The following SPATA16 variants were observed in gnomAD, a reference collection of about 807,000 sequenced individuals.
SPATA16 encodes the protein spermatogenesis associated 16.
SPATA16 carries 36 observed loss-of-function variants against 63.3 expected under a neutral mutation model. The observed-to-expected ratio is 0.57, with a 90% confidence interval of 0.44 to 0.75. SPATA16 has a LOEUF of 0.75. Ranked by LOEUF, SPATA16 falls within the 30% of genes least tolerant of loss-of-function variation. SPATA16 has a pLI of 0.00. For synonymous variants in SPATA16, 203 were observed against 216.7 expected (o/e 0.94, Z 0.56); for missense variants, 646 against 679.3 (o/e 0.95, Z 0.54).
intron 4 of SPATA16, among the ~76,000 whole-genome samples, chr3:172,980,551 C>G (rs1734278108): frequency 6.6e-6 from 1 of 152,090 alleles, no homozygotes; most frequent in African/African-American, 2.4e-5. Flanking sequence ...TAATTTTGAG[C>G]CTTTATGAAG....
At chr3:173,121,204 C>CTT (rs112905762) in intron 1 of SPATA16, among the ~76,000 whole-genome samples, 2 of 142,260 alleles carry the variant, frequency 1.4e-5, no homozygotes, top group African/African-American at 5.1e-5. Context: ...GCTGTACAGC[C>CTT]TTTTTTTTTT....
intron 3 of SPATA16, among the ~76,000 whole-genome samples, chr3:173,033,305 C>T (rs791830): frequency 0.28 from 42,842 of 151,874 alleles, 8,573 homozygotes; most frequent in African/African-American, 0.57. Context: ...CCATTTATTT[C>T]TTCATCTACA....
At chr3:172,980,084 A>G (rs1437324690) in intron 4 of SPATA16, among the ~76,000 whole-genome samples, 1 of 152,196 alleles carries the variant, frequency 6.6e-6, no homozygotes, top group Non-Finnish European at 1.5e-5. Context: ...ACTCTGCCCT[A>G]CTGCTCAGCC....
chr3:172,978,138 C>CCT (rs71162321), intron 4 of SPATA16, among the ~76,000 whole-genome samples: 3,821 of 148,290 alleles, frequency 0.026, 58 homozygotes, highest in South Asian at 0.049. Flanking sequence ...TCTCTCTCTC[C>CCT]CTCTCTCTCT....
intron 10 of SPATA16, among the ~76,000 whole-genome samples, chr3:172,897,277 T>C (rs1425840557): frequency 6.6e-6 from 1 of 152,182 alleles, no homozygotes; most frequent in Admixed American, 6.5e-5. Context: ...TATCGGTTTA[T>C]TTCTGGGTTC....
chr3:172,967,520 C>A (rs1402278188), intron 5 of SPATA16, among the ~76,000 whole-genome samples: 3 of 152,094 alleles, frequency 2.0e-5, no homozygotes, highest in Non-Finnish European at 4.4e-5. Flanking sequence ...CATTATGTTG[C>A]CCAGGCTGGA....
chr3:173,080,209 T>C (rs1170832652), intron 2 of SPATA16, among the ~76,000 whole-genome samples: 1 of 152,176 alleles, frequency 6.6e-6, no homozygotes, highest in Non-Finnish European at 1.5e-5. Context: ...AAAAGATTCC[T>C]TAGGCCCAGA....
At chr3:173,054,010 T>C (rs1736158773) in intron 2 of SPATA16, among the ~76,000 whole-genome samples, 1 of 148,046 alleles carries the variant, frequency 6.8e-6, no homozygotes, top group Non-Finnish European at 1.5e-5. Context: ...TTACACTATA[T>C]CAACATAAAT....
rs146082029 is a variant in SPATA16, at chr3:172,956,705, A to T, written c.1053T>A (p.His351Gln). 3.1e-6 allele frequency: 5 copies of T among 1,612,480 alleles called. No homozygotes were observed. The African/African-American group carries it at 6.7e-5, about 22-fold the overall frequency. The change falls in exon 6 of 11, where the codon CAT (histidine) becomes CAA (glutamine). Residue 351 changes from histidine to glutamine, a missense_variant. By Grantham distance (24) the His-to-Gln change is conservative (BLOSUM62 0). Transcript: ENST00000351008. The stretch of plus-strand genomic sequence containing the variant: ...TGTACATATACTCTGCATATGCAGG[A>T]TGAGTTTTTGTGAAAGCATCTTTTA... ...EKVKDAFTKT[H>Q]PAYAEYMYTD...
chr3:172,982,415 A>G (rs946482720), intron 4 of SPATA16, among the ~76,000 whole-genome samples: 1 of 152,210 alleles, frequency 6.6e-6, no homozygotes, highest in African/African-American at 2.4e-5. Context: ...ATTGGGAAAC[A>G]CATTGGCCTA....
chr3:172,913,974 A>G (rs1732426719), intron 9 of SPATA16, among the ~76,000 whole-genome samples: 1 of 152,200 alleles, frequency 6.6e-6, no homozygotes, highest in Non-Finnish European at 1.5e-5. Context: ...TGTAAAAAAC[A>G]TATAGGTTTT....
At chr3:172,975,201 G>A (rs1734125677) in intron 5 of SPATA16, among the ~76,000 whole-genome samples, 1 of 152,134 alleles carries the variant, frequency 6.6e-6, no homozygotes, top group Non-Finnish European at 1.5e-5. Flanking sequence ...TCACATGTGA[G>A]CGTAAAAACA....
At chr3:173,020,758 G>A (rs1735311145) in intron 3 of SPATA16, among the ~76,000 whole-genome samples, 1 of 152,208 alleles carries the variant, frequency 6.6e-6, no homozygotes, top group Admixed American at 6.5e-5. Context: ...CCAGCCATTA[G>A]TGAAAGTTCG....
chr3:172,948,331 T>TTA (rs1177535015), intron 6 of SPATA16, among the ~76,000 whole-genome samples: 5 of 152,148 alleles, frequency 3.3e-5, no homozygotes, highest in African/African-American at 1.2e-4. Flanking sequence ...CATGACATAT[T>TTA]TAAAGTGCTG....
chr3:173,012,893 C>T (rs960825295), intron 4 of SPATA16, among the ~76,000 whole-genome samples: 1 of 152,028 alleles, frequency 6.6e-6, no homozygotes, highest in African/African-American at 2.4e-5. Flanking sequence ...ATGGCAGTGT[C>T]CTCAAAACAT....
intron 1 of SPATA16, among the ~76,000 whole-genome samples, chr3:173,122,468 C>G (rs1266824928): frequency 6.6e-6 from 1 of 151,722 alleles, no homozygotes; most frequent in Non-Finnish European, 1.5e-5. Context: ...AAAATGTGCT[C>G]TCTGAAACAT....
At chr3:173,072,482 T>C (rs1736697446) in intron 2 of SPATA16, among the ~76,000 whole-genome samples, 1 of 152,154 alleles carries the variant, frequency 6.6e-6, no homozygotes, top group African/African-American at 2.4e-5. Flanking sequence ...TGTGAGATAA[T>C]TGAATCATGG....
At position 172,956,794 on chromosome 3, in the gene SPATA16, CA is replaced by C; in HGVS notation, c.963del (p.Glu322AsnfsTer14). The C allele has an allele frequency of 6.2e-7, 1 of 1,613,354 alleles. No homozygotes were observed. Among genetic ancestry groups the C allele is most frequent in the Non-Finnish European group, 8.5e-7 (1 of 1,179,558 alleles). ...GGTGTGTACATAACCGAGAAAGATT[CA>C]GCTCTGGTGATGGCTTCCTCAATCA... ...QAMIEEAITRAESFSVMYTPF... is the reference protein window; with the variant it reads ...QAMIEEAITRXESFSVMYTPF... On this transcript the variant is annotated frameshift_variant, in exon 6 of 11. Transcript: ENST00000351008. LOFTEE classifies it high-confidence loss of function.
intron 6 of SPATA16, among the ~76,000 whole-genome samples, chr3:172,938,588 T>C (rs1488047394): frequency 6.6e-6 from 1 of 152,114 alleles, no homozygotes; most frequent in Non-Finnish European, 1.5e-5. Flanking sequence ...CTCTTTGGAG[T>C]CTGCGGGCCT....
Sources: allele counts gnomAD v4.1 joint callset (sites outside exome capture counted in the v4.1 genomes callset), GRCh38; gene constraint gnomAD v4.1.1; transcripts MANE v1.5; gene names NCBI Gene and HGNC (gene_info 2026-07-23, HGNC 2026-07-21).